The following SLC25A26 variants were observed in gnomAD, a reference collection of about 807,000 sequenced individuals.
The protein encoded by SLC25A26 is mitochondrial S-adenosylmethionine carrier protein.
Under a neutral mutation model 37.8 loss-of-function variants are expected in SLC25A26, and 36 were observed. The ratio of observed to expected loss-of-function variants is 0.95; its 90% confidence interval spans 0.73 to 1.26. SLC25A26 has a LOEUF of 1.26. Ranked by LOEUF, SLC25A26 falls within the 50% of genes most tolerant of loss-of-function variation. The pLI is 0.00. For synonymous variants in SLC25A26, 129 were observed against 122.5 expected (o/e 1.05, Z -0.35); for missense variants, 390 against 331.1 (o/e 1.18, Z -1.38).
chr3:66,222,370 C>T (rs2071539969), intron 1 of SLC25A26, among the ~76,000 whole-genome samples: 1 of 151,978 alleles, frequency 6.6e-6, no homozygotes, highest in South Asian at 2.1e-4. Flanking sequence ...TTAGTGGAGA[C>T]GGGGTTTCAC....
chr3:66,245,582 TTGGGAAA>T (rs71105975), intron 3 of SLC25A26, among the ~76,000 whole-genome samples: 26,335 of 152,076 alleles, frequency 0.17, 2,712 homozygotes, highest in Non-Finnish European at 0.24. Flanking sequence ...CATAGGAAAC[TTGGGAAA>T]TGAATTAACC....
chr3:66,334,500 GA>G (rs1167904263), intron 5 of SLC25A26, among the ~76,000 whole-genome samples: 4 of 152,046 alleles, frequency 2.6e-5, no homozygotes, highest in Non-Finnish European at 5.9e-5. Context: ...ATTCTTAGTA[GA>G]GACAAGATTT....
At chr3:66,319,326 T>C (rs2075628838) in intron 5 of SLC25A26, among the ~76,000 whole-genome samples, 1 of 152,144 alleles carries the variant, frequency 6.6e-6, no homozygotes, top group African/African-American at 2.4e-5. Context: ...ATTATGTTCG[T>C]TGGGAAATTC....
intron 5 of SLC25A26, among the ~76,000 whole-genome samples, chr3:66,282,800 A>G (rs938401254): frequency 6.6e-6 from 1 of 152,186 alleles, no homozygotes; most frequent in Admixed American, 6.5e-5. Context: ...CAAGATACAG[A>G]ACATTTCCAT....
At chr3:66,214,452 G>A (rs2071331682) in intron 1 of SLC25A26, among the ~76,000 whole-genome samples, 1 of 152,126 alleles carries the variant, frequency 6.6e-6, no homozygotes, top group African/African-American at 2.4e-5. Context: ...ATTACATATG[G>A]CCACATTGCT....
At chr3:66,301,905 C>T (rs1156461652) in intron 5 of SLC25A26, among the ~76,000 whole-genome samples, 1 of 152,134 alleles carries the variant, frequency 6.6e-6, no homozygotes, top group Non-Finnish European at 1.5e-5. Flanking sequence ...TTTTGTTCCT[C>T]TGTAAGATGA....
chr3:66,364,834 A>G (rs906071672), intron 7 of SLC25A26, among the ~76,000 whole-genome samples: 1 of 152,210 alleles, frequency 6.6e-6, no homozygotes, highest in Non-Finnish European at 1.5e-5. Context: ...AAATGCCTCC[A>G]ATATAAGCAT....
At chr3:66,213,606 C>T (rs918250261) in intron 1 of SLC25A26, among the ~76,000 whole-genome samples, 2 of 151,992 alleles carry the variant, frequency 1.3e-5, no homozygotes, top group South Asian at 2.1e-4. Flanking sequence ...ATATTTGTTA[C>T]AATCAATGGA....
chr3:66,371,583 C>A (rs1020923723), intron 9 of SLC25A26, among the ~76,000 whole-genome samples: 1 of 152,094 alleles, frequency 6.6e-6, no homozygotes, highest in Non-Finnish European at 1.5e-5. Flanking sequence ...GAAACAAGAA[C>A]TGGGGCAAAG....
rs975915394 is a variant in SLC25A26, at chr3:66,192,450, G to A, written c.-353-28292G>A. Among the ~76,000 whole-genome samples, 593 of 152,238 alleles carry A rather than the reference G, an allele frequency of 3.9e-3. 6 individuals are homozygous for A. Among genetic ancestry groups the A allele is most frequent in the African/African-American group, 0.013 (550 of 41,550 alleles). ...CTTTCTCCAGATACGGGATCTGCTGGTGCATTGATTTTGGACTTCCCAGCC... is the reference window on the plus strand; with the variant it reads ...CTTTCTCCAGATACGGGATCTGCTGATGCATTGATTTTGGACTTCCCAGCC... On this transcript the variant is annotated intron_variant, in intron 1 of 10. Transcript: ENST00000676754.
In SLC25A26 at chr3:66,309,249, A is replaced by G. The variant is rs536874498; in HGVS notation, c.454-37115A>G. Among the ~76,000 whole-genome samples the G allele has an allele frequency of 2.0e-5, 3 of 152,256 alleles. No homozygotes were observed. In the East Asian group the frequency reaches 5.8e-4, roughly 29 times the overall value. ...TCCTGGTTTAGTCTTGGGAGGGTGTATGTGTCCAGGAATTTATCCATTCCT... is the reference window on the plus strand; with the variant it reads ...TCCTGGTTTAGTCTTGGGAGGGTGTGTGTGTCCAGGAATTTATCCATTCCT... On this transcript the variant is annotated intron_variant, in intron 5 of 9. Coordinates refer to ENST00000354883, the MANE Select transcript of SLC25A26 (RefSeq NM_001379210.1).
chr3:66,202,199 A>G (rs2071119933), intron 1 of SLC25A26, among the ~76,000 whole-genome samples: 1 of 152,182 alleles, frequency 6.6e-6, no homozygotes, highest in African/African-American at 2.4e-5. Flanking sequence ...GAATGAATTC[A>G]TGTCCTTTGC....
At chr3:66,214,860 G>A (rs899567155) in intron 1 of SLC25A26, among the ~76,000 whole-genome samples, 2 of 152,140 alleles carry the variant, frequency 1.3e-5, no homozygotes, top group Non-Finnish European at 2.9e-5. Context: ...AGGCACGGTG[G>A]CTCATGCCTG....
At chr3:66,140,807 C>T (rs1012887737) in intron 1 of SLC25A26, among the ~76,000 whole-genome samples, 1 of 152,046 alleles carries the variant, frequency 6.6e-6, no homozygotes, top group African/African-American at 2.4e-5. Flanking sequence ...AAATGCATGC[C>T]AGCCCTTTTA....
intron 1 of SLC25A26, among the ~76,000 whole-genome samples, chr3:66,165,591 T>C (rs2070414393): frequency 1.3e-5 from 2 of 152,224 alleles, no homozygotes; most frequent in South Asian, 4.2e-4. Flanking sequence ...CTCTAGTTCA[T>C]TTGTGAACGT....
rs116104285 is a variant in SLC25A26 at position 66,312,926 on chromosome 3, A to G, written c.454-33438A>G. ...GTTATGGCCTTGCTGGGAGCTACATATCGGAGCTGTTCCTATTCAGCCATC... is the reference window on the plus strand; with the variant it reads ...GTTATGGCCTTGCTGGGAGCTACATGTCGGAGCTGTTCCTATTCAGCCATC... On this transcript the variant is annotated intron_variant, in intron 5 of 9. Transcript: ENST00000354883. 2.4e-3 allele frequency among the ~76,000 whole-genome samples: 368 copies of G among 152,226 alleles called. 1 individual carries two copies. The highest frequency in any genetic ancestry group is 3.8e-3 in the Non-Finnish European group (257 of 68,002).
chr3:66,201,516 A>T (rs1166868875), intron 1 of SLC25A26, among the ~76,000 whole-genome samples: 1 of 151,888 alleles, frequency 6.6e-6, no homozygotes, highest in Admixed American at 6.6e-5. Context: ...TATTTTTTTA[A>T]ATAGAGATGG....
chr3:66,134,281 C>T (rs79394916), intron 1 of SLC25A26, among the ~76,000 whole-genome samples: 1 of 152,302 alleles, frequency 6.6e-6, no homozygotes, highest in African/African-American at 2.4e-5. Context: ...GGTTACACAG[C>T]ACCATTAATT....
intron 1 of SLC25A26, among the ~76,000 whole-genome samples, chr3:66,168,625 G>C (rs535482530): frequency 6.6e-6 from 1 of 152,230 alleles, no homozygotes; most frequent in Non-Finnish European, 1.5e-5. Flanking sequence ...AAATAAGCTT[G>C]TGTTTGGAAT....
Sources: allele counts gnomAD v4.1 joint callset (sites outside exome capture counted in the v4.1 genomes callset), GRCh38; gene constraint gnomAD v4.1.1; transcripts MANE v1.5; gene names NCBI Gene and HGNC (gene_info 2026-07-23, HGNC 2026-07-21).